The following FAM53A variants were observed in gnomAD, a reference collection of about 807,000 sequenced individuals.
The protein encoded by FAM53A is family with sequence similarity 53 member A, also known as protein FAM53A.
FAM53A carries 28 observed loss-of-function variants against 26.6 expected under a neutral mutation model. The ratio of observed to expected loss-of-function variants is 1.05; its 90% confidence interval spans 0.78 to 1.45. FAM53A has a LOEUF of 1.45. Ranked by LOEUF, FAM53A falls within the 40% of genes most tolerant of loss-of-function variation. The pLI is 0.00. For synonymous variants in FAM53A, 290 were observed against 253.1 expected (o/e 1.15, Z -1.38); for missense variants, 650 against 575.8 (o/e 1.13, Z -1.32).
intron 1 of FAM53A, among the ~76,000 whole-genome samples, chr4:1,680,303 G>A (rs1438573490): frequency 8.3e-6 from 1 of 121,110 alleles, no homozygotes; most frequent in Non-Finnish European, 1.6e-5. Flanking sequence ...TGGGCAACGA[G>A]AGTGAAACTC....
the FAM53A span, among the ~76,000 whole-genome samples, chr4:1,575,449 C>A: frequency 6.6e-6 from 1 of 152,084 alleles, no homozygotes; most frequent in Non-Finnish European, 1.5e-5. Flanking sequence ...TGCGGTCTGG[C>A]AGGGGCCACA....
Position 1,655,006 on chromosome 4 carries a change from G to A in FAM53A, c.854C>T (p.Pro285Leu). The A allele has an allele frequency of 6.5e-7, 1 of 1,543,026 alleles. No homozygotes were observed. Among genetic ancestry groups the A allele is most frequent in the Non-Finnish European group, 8.7e-7 (1 of 1,145,546 alleles). The change falls in exon 4 of 5, where the codon CCA (proline) becomes CTA (leucine). Residue 285 changes from proline (P) to leucine (L), a missense_variant. Physicochemically the swap from Pro to Leu is moderately conservative, Grantham distance 98. Transcript: ENST00000308132. ...RREEDARWTR[P>L]SLDFLKMTQT... is the part of the protein sequence containing the mutation. ...GGTCATTTTCAGGAAGTCCAAGGATGGGCGTGTCCACCTGGCGTCCTCCTC... is the reference window on the plus strand; with the variant it reads ...GGTCATTTTCAGGAAGTCCAAGGATAGGCGTGTCCACCTGGCGTCCTCCTC...
At chr4:1,584,310 G>A in the FAM53A span, among the ~76,000 whole-genome samples, 1 of 152,138 alleles carries the variant, frequency 6.6e-6, no homozygotes. Flanking sequence ...CAGCTTTACC[G>A]TTTACATTTA....
At chr4:1,590,912 C>T in the FAM53A span, among the ~76,000 whole-genome samples, 1 of 138,854 alleles carries the variant, frequency 7.2e-6, no homozygotes, top group Non-Finnish European at 1.5e-5. Flanking sequence ...TGGTAATATT[C>T]TCAGTTGTAG....
At chr4:1,585,700 G>A in the FAM53A span, among the ~76,000 whole-genome samples, 1 of 152,080 alleles carries the variant, frequency 6.6e-6, no homozygotes, top group East Asian at 1.9e-4. Flanking sequence ...GGTCCTCCAT[G>A]TTCATCCACA....
Position 1,681,573 on chromosome 4 carries a change from T to G in FAM53A, c.-165+2660A>C, listed in dbSNP as rs983744112. Among the ~76,000 whole-genome samples, 3 of 150,812 alleles carry G rather than the reference T, an allele frequency of 2.0e-5. No individual in the cohort carries two copies. In the East Asian group the frequency reaches 5.8e-4, roughly 29 times the overall value. On this transcript the variant is annotated intron_variant, in intron 1 of 4. Coordinates refer to ENST00000308132, the MANE Select transcript of FAM53A (RefSeq NM_001174070.3). The stretch of plus-strand genomic sequence containing the variant: ...GCCTCTCTCTGTTGCCTAGGCTCAC[T>G]GCAGCCTCCACCTCCCTGGCTGAAG...
At chr4:1,663,674 C>T (rs1714017094) in intron 2 of FAM53A, among the ~76,000 whole-genome samples, 1 of 152,040 alleles carries the variant, frequency 6.6e-6, no homozygotes, top group South Asian at 2.1e-4. Context: ...ATGTGGGTTC[C>T]ACTTTAACTG....
intron 4 of FAM53A, among the ~76,000 whole-genome samples, chr4:1,650,211 ACATTTGACTGTGAGGTGGCACAGGCGTGG>A (rs1712642339): frequency 2.5e-5 from 2 of 79,566 alleles, no homozygotes; most frequent in African/African-American, 1.0e-4. Flanking sequence ...CACAGGCGTG[ACATTTGACTGTGAGGTGGCACAGGCGTGG>A]CGTTTGACTG....
At chr4:1,642,910 G>A (rs1191505803) in intron 4 of FAM53A, among the ~76,000 whole-genome samples, 1 of 152,228 alleles carries the variant, frequency 6.6e-6, no homozygotes, top group African/African-American at 2.4e-5. Flanking sequence ...CGCCTGCAGG[G>A]CACAGGGGCG....
At chr4:1,662,432 T>G (rs1713901825) in intron 2 of FAM53A, among the ~76,000 whole-genome samples, 1 of 130,314 alleles carries the variant, frequency 7.7e-6, no homozygotes, top group Non-Finnish European at 1.5e-5. Context: ...TGAGCCAAGA[T>G]CGCACCACTG....
upstream of FAM53A, among the ~76,000 whole-genome samples, chr4:1,684,588 A>G (rs552364384): frequency 2.4e-4 from 36 of 151,706 alleles, no homozygotes; most frequent in East Asian, 6.8e-3. Flanking sequence ...GGCGTCCTCC[A>G]GGCCTAGAAG....
At chr4:1,600,871 G>A in the FAM53A span, among the ~76,000 whole-genome samples, 1 of 152,126 alleles carries the variant, frequency 6.6e-6, no homozygotes, top group Admixed American at 6.5e-5. Context: ...CATCCTCTGC[G>A]GGGCAAGTGC....
rs1715579534 is a variant in FAM53A, at chr4:1,630,756, G to C, written c.432-12645C>G. 6.6e-6 allele frequency among the ~76,000 whole-genome samples: 1 copy of C among 152,188 alleles called. No individual in the cohort carries two copies. Among genetic ancestry groups the C allele is most frequent in the African/African-American group, 2.4e-5 (1 of 41,444 alleles). ...GAGGGGAGGCTGCCAGGGCAGGGCA[G>C]GGTGGGGAGCGCCCACTCGTGGGGA... On this transcript the variant is annotated intron_variant, in intron 1 of 1. Transcript: ENST00000489029. This position sits in a 1 kb window ranked among gnomAD's most constrained non-coding sequence, Gnocchi z 4.3.
At chr4:1,679,083 C>T (rs1325856431) in intron 1 of FAM53A, among the ~76,000 whole-genome samples, 1 of 152,144 alleles carries the variant, frequency 6.6e-6, no homozygotes, top group Non-Finnish European at 1.5e-5. Context: ...GAATAAAAAA[C>T]AGTTCCAGAC....
chr4:1,633,959 T>A (rs1715725798), intron 1 of FAM53A, among the ~76,000 whole-genome samples: 2 of 152,026 alleles, frequency 1.3e-5, no homozygotes, highest in African/African-American at 2.4e-5. Context: ...AACCCACCAT[T>A]CAGGGCAATG....
intron 4 of FAM53A, among the ~76,000 whole-genome samples, chr4:1,649,161 G>GA (rs1712514011): frequency 1.6e-5 from 2 of 123,738 alleles, no homozygotes; most frequent in African/African-American, 3.3e-5. Context: ...AGGGGAAAGG[G>GA]AAGGGGAAAG....
chr4:1,601,233 C>T, the FAM53A span, among the ~76,000 whole-genome samples: 8 of 87,438 alleles, frequency 9.1e-5, 1 homozygote, highest in East Asian at 1.5e-3. Context: ...CGCAACAGGT[C>T]GGACACCCAC....
At chr4:1,612,453 G>A in the FAM53A span, among the ~76,000 whole-genome samples, 5 of 152,018 alleles carry the variant, frequency 3.3e-5, no homozygotes, top group African/African-American at 1.2e-4. Context: ...GGTGTGCTCC[G>A]CCCCCTCAGA....
At chr4:1,600,259 G>A in the FAM53A span, among the ~76,000 whole-genome samples, 5 of 152,180 alleles carry the variant, frequency 3.3e-5, no homozygotes, top group Admixed American at 2.6e-4. Flanking sequence ...CTCTGCAGAG[G>A]AGGGCTCTGG....
Sources: gnomAD v4.1 joint callset for allele counts (sites outside exome capture counted in the v4.1 genomes callset) on GRCh38, gnomAD v4.1.1 for gene constraint, Gnocchi (gnomAD v3.1) non-coding constraint, MANE v1.5 for transcripts, NCBI Gene and HGNC (gene_info 2026-07-23, HGNC 2026-07-21) for gene names.